PLCB1: variants seen among roughly 807,000 people sequenced by gnomAD.
PLCB1 encodes the protein phospholipase C beta 1.
PLCB1 carries 46 observed loss-of-function variants against 161.8 expected under a neutral mutation model. The ratio of observed to expected loss-of-function variants is 0.28; its 90% CI spans 0.22 to 0.36. The LOEUF (loss-of-function observed/expected upper bound fraction) is 0.36, where lower values mean the gene tolerates loss of function less well. Among genes scored for constraint, PLCB1 ranks in the 10% least tolerant of loss-of-function variants. The pLI is 1.00. For missense variants in PLCB1, 1,016 were observed against 1,472.5 expected (o/e 0.69, Z 5.07); for synonymous variants, 517 against 503.7 (o/e 1.03, Z -0.35).
At position 8,790,236 on chromosome 20, in the gene PLCB1, A is replaced by T. The variant is rs1343812135; in HGVS notation, c.3398A>T (p.Gln1133Leu). Reference sequence around the variant, plus strand: ...GTAGAGAAACACAAGGAAATACGTCAGCAGATCCTGGATGAAAAGCCCAAG... The same window carrying T: ...GTAGAGAAACACAAGGAAATACGTCTGCAGATCCTGGATGAAAAGCCCAAG... ...KLVEKHKEIR[Q>L]QILDEKPKLQ... The change falls in exon 31 of 32, where the codon CAG becomes CTG. Residue 1133 changes from glutamine (Q) to leucine (L), a missense_variant. Coordinates refer to ENST00000338037, the MANE Select transcript of PLCB1 (RefSeq NM_015192.4). 6.2e-7 allele frequency: 1 copy of T among 1,611,568 alleles called. No homozygotes were observed. Among genetic ancestry groups the T allele is most frequent in the African/African-American group, 1.3e-5 (1 of 74,810 alleles).
chr20:8,802,178 G>T, intron 31 of PLCB1: 1 of 1,507,020 alleles, frequency 6.6e-7, no homozygotes, highest in Non-Finnish European at 9.2e-7. Flanking sequence ...GGCCAGGTAG[G>T]ACTGGATGGG....
At chr20:8,560,314 T>G (rs1185792737) in intron 3 of PLCB1, among the ~76,000 whole-genome samples, 1 of 152,042 alleles carries the variant, frequency 6.6e-6, no homozygotes, top group African/African-American at 2.4e-5. Flanking sequence ...TACCAAGGCC[T>G]AGGTCTCATC....
At chr20:8,355,196 T>G (rs976013079) in intron 2 of PLCB1, among the ~76,000 whole-genome samples, 1 of 152,024 alleles carries the variant, frequency 6.6e-6, no homozygotes, top group Non-Finnish European at 1.5e-5. Context: ...CTTGTGACTT[T>G]CTATGATCAG....
At chr20:8,696,041 C>T (rs915427564) in intron 10 of PLCB1, among the ~76,000 whole-genome samples, 1 of 152,064 alleles carries the variant, frequency 6.6e-6, no homozygotes, top group Non-Finnish European at 1.5e-5. Context: ...TCTTCCATTG[C>T]TTGTGTTTTT....
At chr20:8,133,242 A>C (rs2076695) in intron 1 of PLCB1, among the ~76,000 whole-genome samples, 9,163 of 152,212 alleles carry the variant, frequency 0.06, 416 homozygotes, top group East Asian at 0.16. Context: ...TGTGGGAGCC[A>C]AGGCGGCGGA....
chr20:8,804,987 G>A (rs185023446), intron 31 of PLCB1, among the ~76,000 whole-genome samples: 86 of 70,756 alleles, frequency 1.2e-3, no homozygotes, highest in African/African-American at 4.8e-3. Context: ...GGCAACAAGA[G>A]CAAAACTCCA....
At chr20:8,833,101 G>A (rs1986094075) in intron 31 of PLCB1, among the ~76,000 whole-genome samples, 1 of 152,180 alleles carries the variant, frequency 6.6e-6, no homozygotes, top group South Asian at 2.1e-4. Flanking sequence ...ATTATCTTGG[G>A]TCTTCCATGT....
intron 10 of PLCB1, among the ~76,000 whole-genome samples, chr20:8,695,629 G>T (rs73080029): frequency 0.075 from 11,488 of 152,164 alleles, 515 homozygotes; most frequent in African/African-American, 0.12. Context: ...TTGAGCCTAG[G>T]GGGTTGAAGC....
At chr20:8,755,395 T>C (rs1244526898) in intron 23 of PLCB1, among the ~76,000 whole-genome samples, 1 of 152,218 alleles carries the variant, frequency 6.6e-6, no homozygotes, top group Admixed American at 6.5e-5. Context: ...CTAATGTATT[T>C]TTAAAATGTG....
chr20:8,816,080 A>G (rs1189991842), intron 31 of PLCB1, among the ~76,000 whole-genome samples: 3 of 152,214 alleles, frequency 2.0e-5, no homozygotes, highest in Admixed American at 2.0e-4. Flanking sequence ...AGTGTATAAG[A>G]GAGCAATAAA....
rs1226793593 is a variant in PLCB1, at chr20:8,692,836, G to A, written c.1010-4790G>A. ...AAATGTTCCTAGAGGTTCCCTGACA[G>A]CCCCCCACCTCCATCCCCTCAATCT... is the stretch of plus-strand genomic sequence containing the variant. On this transcript the variant is annotated intron_variant, in intron 10 of 31. Coordinates refer to ENST00000338037, the MANE Select transcript of PLCB1 (RefSeq NM_015192.4). Among the ~76,000 whole-genome samples, 9 of 152,124 alleles carry A rather than the reference G, an allele frequency of 5.9e-5. No individual in the cohort carries two copies. The East Asian group carries it at 1.7e-3, about 29-fold the overall frequency.
At chr20:8,271,832 C>A (rs533859414) in intron 2 of PLCB1, among the ~76,000 whole-genome samples, 7 of 151,992 alleles carry the variant, frequency 4.6e-5, no homozygotes, top group Non-Finnish European at 8.8e-5. Context: ...ACTAAGGTAA[C>A]CCTGGTGTAA....
intron 3 of PLCB1, among the ~76,000 whole-genome samples, chr20:8,381,838 T>G (rs1987262433): frequency 6.6e-6 from 1 of 152,246 alleles, no homozygotes; most frequent in Admixed American, 6.5e-5. Context: ...CTCTCTTTTC[T>G]TCTTTATTAG....
At chr20:8,526,372 G>C (rs1279917961) in intron 3 of PLCB1, among the ~76,000 whole-genome samples, 1 of 151,854 alleles carries the variant, frequency 6.6e-6, no homozygotes, top group African/African-American at 2.4e-5. Flanking sequence ...TTTCTTTGAT[G>C]CATTTTTACC....
chr20:8,478,969 C>A (rs1288147712), intron 3 of PLCB1, among the ~76,000 whole-genome samples: 2 of 152,062 alleles, frequency 1.3e-5, no homozygotes, highest in Non-Finnish European at 1.5e-5. Context: ...GGCTGTTAAG[C>A]CTAATTCTTT....
intron 11 of PLCB1, among the ~76,000 whole-genome samples, chr20:8,700,872 G>A (rs371262781): frequency 4.6e-5 from 7 of 152,230 alleles, no homozygotes; most frequent in Admixed American, 3.9e-4. Context: ...ATGTGGGTAG[G>A]TGACAGTGGG....
chr20:8,156,368 C>T (rs2051562494), intron 2 of PLCB1, among the ~76,000 whole-genome samples: 1 of 152,206 alleles, frequency 6.6e-6, no homozygotes, highest in Admixed American at 6.5e-5. Flanking sequence ...TTATGGGCTT[C>T]CTTCCCTTCC....
intron 2 of PLCB1, among the ~76,000 whole-genome samples, chr20:8,272,003 C>T (rs915922146): frequency 2.6e-5 from 4 of 152,054 alleles, no homozygotes; most frequent in African/African-American, 9.7e-5. Context: ...TTGTGTCATC[C>T]TTTCAAGATT....
chr20:8,878,314 G>A (rs1332328862), intron 31 of PLCB1, among the ~76,000 whole-genome samples: 2 of 152,098 alleles, frequency 1.3e-5, no homozygotes, highest in Admixed American at 6.6e-5. Context: ...TAAAATTGAG[G>A]TGAATTGATG....
Sources: allele counts gnomAD v4.1 joint callset (sites outside exome capture counted in the v4.1 genomes callset), GRCh38; gene constraint gnomAD v4.1.1; transcripts MANE v1.5; gene names NCBI Gene and HGNC (gene_info 2026-07-23, HGNC 2026-07-21).